Variants in NBAS observed in about 807,000 individuals in gnomAD.
NBAS encodes the protein NBAS subunit of NRZ tethering complex, also known as NAG/BC035112 fusion.
A neutral mutation model predicts 302.5 loss-of-function variants in NBAS; 219 were observed. The observed-to-expected ratio is 0.72, with a 90% confidence interval of 0.65 to 0.81. The LOEUF (loss-of-function observed/expected upper bound fraction) is 0.81. Ranked by LOEUF, NBAS falls within the 30% of genes least tolerant of loss-of-function variation. NBAS has a pLI of 0.00. For synonymous variants in NBAS, 1,118 were observed against 1,021.6 expected, an observed-to-expected ratio of 1.09 and a Z score of -1.80; for missense variants, 2,932 against 2,841.6, an observed-to-expected ratio of 1.03 and a Z score of -0.72.
the NBAS span, among the ~76,000 whole-genome samples, chr2:14,958,956 G>A: frequency 6.6e-6 from 1 of 152,192 alleles, no homozygotes; most frequent in African/African-American, 2.4e-5. Context: ...AGTGGGAAAG[G>A]AGGAAGGGTG....
the NBAS span, among the ~76,000 whole-genome samples, chr2:14,923,525 G>A: frequency 6.6e-6 from 1 of 152,174 alleles, no homozygotes; most frequent in Non-Finnish European, 1.5e-5. Context: ...TGGTGAACCA[G>A]ACAAGGCCCC....
intron 9 of NBAS, among the ~76,000 whole-genome samples, chr2:15,523,849 T>C (rs938472340): frequency 5.9e-5 from 9 of 151,992 alleles, no homozygotes; most frequent in African/African-American, 1.9e-4. Flanking sequence ...GGAAGACAGA[T>C]GTTGTAGTAA....
chr2:14,844,297 C>G, the NBAS span, among the ~76,000 whole-genome samples: 1 of 152,046 alleles, frequency 6.6e-6, no homozygotes, highest in Non-Finnish European at 1.5e-5. Flanking sequence ...CTAGACACAC[C>G]CTGGGCCAGA....
chr2:15,370,371 G>A (rs1294816536), intron 31 of NBAS, among the ~76,000 whole-genome samples: 1 of 152,146 alleles, frequency 6.6e-6, no homozygotes, highest in Non-Finnish European at 1.5e-5. Context: ...TCAACTCACT[G>A]CAGACTCAAC....
the NBAS span, among the ~76,000 whole-genome samples, chr2:15,098,251 TG>T: frequency 4.4e-4 from 12 of 27,572 alleles, 1 homozygote; most frequent in East Asian, 4.9e-3. Flanking sequence ...ATATATTATA[TG>T]TATATAATAT....
Position 15,458,638 on chromosome 2 carries a change from G to A in NBAS, c.2339+2563C>T, listed in dbSNP as rs148143477. Among the ~76,000 whole-genome samples the A allele has an allele frequency of 3.8e-3, 586 of 152,262 alleles. 3 individuals are homozygous for A. Among genetic ancestry groups the A allele is most frequent in the Middle Eastern group, 0.031 (9 of 292 alleles). ...CAGAGCTATGCTTCTTGTACAGTCTGTGCAACTGTGAGCCAATTAAAACTT... is the reference window on the plus strand; with the variant it reads ...CAGAGCTATGCTTCTTGTACAGTCTATGCAACTGTGAGCCAATTAAAACTT... On this transcript the variant is annotated intron_variant, in intron 21 of 51. Transcript: ENST00000281513.
the NBAS span, among the ~76,000 whole-genome samples, chr2:14,808,511 A>G: frequency 6.6e-6 from 1 of 152,212 alleles, no homozygotes; most frequent in Non-Finnish European, 1.5e-5. Context: ...GGTGTTAAAA[A>G]GGGGAGTTTC....
intron 32 of NBAS, 56 bp downstream of exon 32, chr2:15,366,524 G>A: frequency 1.4e-6 from 2 of 1,471,076 alleles, no homozygotes; most frequent in African/African-American, 1.4e-5. Context: ...GTCCTGCAAT[G>A]ATGTCAAGAA....
Position 15,554,152 on chromosome 2 carries a change from A to C in NBAS, c.210-14T>G. The C allele has an allele frequency of 6.2e-7, 1 of 1,608,336 alleles. No individual in the cohort carries two copies. The highest frequency in any genetic ancestry group is 8.5e-7 in the Non-Finnish European group (1 of 1,175,612). On this transcript the variant is annotated splice_polypyrimidine_tract_variant and intron_variant, in intron 3 of 51. Coordinates refer to ENST00000281513, the MANE Select transcript of NBAS (RefSeq NM_015909.4). ...AAAGGTGCCGGGCTGAAATCACAAC[A>C]CATTAGTTAGCTTAAAATCTAATCA...
rs770091280 is a variant in NBAS at position 15,474,157 on chromosome 2, T to C, written c.1509A>G (p.Ala503=). 6.2e-7 allele frequency: 1 copy of C among 1,614,150 alleles called. No individual in the cohort carries two copies. Among genetic ancestry groups the C allele is most frequent in the East Asian group, 2.2e-5 (1 of 44,868 alleles). ...TGGTTCGTGGGCGTTTCCGTGGTGGTGCAAATCGCTCCATTTCAGTCACCA... is the reference window on the plus strand; with the variant it reads ...TGGTTCGTGGGCGTTTCCGTGGTGGCGCAAATCGCTCCATTTCAGTCACCA... ...LYLVTEMERF[A]PPRKRPRTIT... The change falls in exon 15 of 52, where the codon GCA becomes GCG. Residue 503 remains alanine, a synonymous_variant. Coordinates refer to ENST00000281513, the MANE Select transcript of NBAS (RefSeq NM_015909.4).
At chr2:14,897,076 TCCA>T in the NBAS span, among the ~76,000 whole-genome samples, 1 of 148,912 alleles carries the variant, frequency 6.7e-6, no homozygotes. Context: ...TTTTTTTTTT[TCCA>T]TCATTTTACA....
chr2:15,027,539 TC>T, the NBAS span, among the ~76,000 whole-genome samples: 3 of 152,122 alleles, frequency 2.0e-5, no homozygotes, highest in Non-Finnish European at 4.4e-5. Flanking sequence ...TACTAGAATC[TC>T]TTGGGTTTTT....
the NBAS span, among the ~76,000 whole-genome samples, chr2:14,833,278 C>G: frequency 3.2e-4 from 49 of 152,192 alleles, no homozygotes; most frequent in East Asian, 9.3e-3. Context: ...AAGTCCATAC[C>G]GATACATAAT....
At chr2:14,937,869 G>A in the NBAS span, among the ~76,000 whole-genome samples, 12 of 152,116 alleles carry the variant, frequency 7.9e-5, no homozygotes, top group African/African-American at 2.7e-4. Flanking sequence ...GGTGGCTCAC[G>A]CCTGTAATCC....
chr2:15,472,698 T>C (rs1220310931), intron 16 of NBAS, among the ~76,000 whole-genome samples: 2 of 152,260 alleles, frequency 1.3e-5, no homozygotes, highest in Non-Finnish European at 1.5e-5. Flanking sequence ...TCTTCCATCC[T>C]ACATGCTGCA....
At chr2:15,116,710 A>C in the NBAS span, among the ~76,000 whole-genome samples, 1 of 152,170 alleles carries the variant, frequency 6.6e-6, no homozygotes, top group Non-Finnish European at 1.5e-5. Flanking sequence ...TCACACTCAA[A>C]TTTTTATTTG....
intron 21 of NBAS, among the ~76,000 whole-genome samples, 192 bp downstream of exon 21, chr2:15,461,009 A>C (rs1449370467): frequency 6.6e-6 from 1 of 152,196 alleles, no homozygotes; most frequent in Non-Finnish European, 1.5e-5. Flanking sequence ...TGTGCTCATT[A>C]AGTTAAGGTA....
At chr2:15,143,467 G>A in the NBAS span, among the ~76,000 whole-genome samples, 1 of 152,168 alleles carries the variant, frequency 6.6e-6, no homozygotes, top group Admixed American at 6.6e-5. Flanking sequence ...ATGAAACTCA[G>A]AACAAACACA....
chr2:14,908,089 C>G, the NBAS span, among the ~76,000 whole-genome samples: 1 of 152,184 alleles, frequency 6.6e-6, no homozygotes, highest in African/African-American at 2.4e-5. Context: ...GGGGGCCAGG[C>G]GCAGTGGCTC....
Sources: gnomAD v4.1 joint callset for allele counts (sites outside exome capture counted in the v4.1 genomes callset) on GRCh38, gnomAD v4.1.1 for gene constraint, MANE v1.5 for transcripts, NCBI Gene and HGNC (gene_info 2026-07-23, HGNC 2026-07-21) for gene names.